The following CPAP variants were observed in gnomAD, a reference collection of about 807,000 sequenced individuals.
CPAP encodes centrosomal P4.1-associated protein.
chr13:24,931,405 C>T, the CPAP span, among the ~76,000 whole-genome samples: 1 of 148,610 alleles, frequency 6.7e-6, no homozygotes, highest in Non-Finnish European at 1.5e-5. Flanking sequence ...TCTCTCCTCC[C>T]CCAAAATCTC....
the CPAP span, chr13:24,909,829 T>C: frequency 1.2e-6 from 2 of 1,613,684 alleles, no homozygotes; most frequent in Non-Finnish European, 1.7e-6. Context: ...AAATTATTTT[T>C]TTCCACAGGT....
chr13:24,885,331 T>C, the CPAP span: 2 of 1,613,878 alleles, frequency 1.2e-6, no homozygotes, highest in Non-Finnish European at 1.7e-6. Flanking sequence ...CTCCTCCTCT[T>C]TATATTCAGG....
chr13:24,894,052 T>G, the CPAP span, among the ~76,000 whole-genome samples: 1 of 151,376 alleles, frequency 6.6e-6, no homozygotes, highest in African/African-American at 2.4e-5. Flanking sequence ...GCAGCGCGTG[T>G]GGGAAGCAAC....
At chr13:24,909,537 AC>A in the CPAP span, among the ~76,000 whole-genome samples, 774 of 151,088 alleles carry the variant, frequency 5.1e-3, 20 homozygotes, top group East Asian at 0.079. Flanking sequence ...AAAAAAAAAA[AC>A]ACGCCACAGG....
chr13:24,910,743 A>G, the CPAP span, among the ~76,000 whole-genome samples: 1 of 152,232 alleles, frequency 6.6e-6, no homozygotes, highest in Middle Eastern at 3.2e-3. Context: ...GTGCGGTTCT[A>G]CCTTTAAAAG....
the CPAP span, among the ~76,000 whole-genome samples, chr13:24,926,609 C>CA: frequency 6.6e-6 from 1 of 152,138 alleles, no homozygotes; most frequent in East Asian, 1.9e-4. Context: ...CCCTCAGCCC[C>CA]ACTGTTACTA....
the CPAP span, among the ~76,000 whole-genome samples, chr13:24,916,212 G>C: frequency 6.6e-6 from 1 of 152,190 alleles, no homozygotes; most frequent in Non-Finnish European, 1.5e-5. Flanking sequence ...CTACAGTCAT[G>C]TTCTTGAGGA....
the CPAP span, among the ~76,000 whole-genome samples, chr13:24,894,340 T>A: frequency 1.3e-5 from 2 of 152,190 alleles, no homozygotes; most frequent in African/African-American, 4.8e-5. Context: ...GTGGACTTTC[T>A]GTCAGAACAG....
chr13:24,915,350 T>C, the CPAP span, among the ~76,000 whole-genome samples: 1 of 152,116 alleles, frequency 6.6e-6, no homozygotes, highest in Non-Finnish European at 1.5e-5. Context: ...GCCTATGAAA[T>C]ATGCACATAG....
At chr13:24,912,897 C>T in the CPAP span, 4 of 1,614,210 alleles carry the variant, frequency 2.5e-6, no homozygotes, top group South Asian at 3.3e-5. Flanking sequence ...CTGCTCGCTT[C>T]TCTTTGTCTG....
the CPAP span, chr13:24,909,720 T>C: frequency 2.1e-5 from 30 of 1,398,682 alleles, no homozygotes; most frequent in East Asian, 4.7e-5. Context: ...AGAAAAAACA[T>C]GGAAAGGCTT....
the CPAP span, chr13:24,889,328 G>A: frequency 2.5e-6 from 4 of 1,608,754 alleles, no homozygotes; most frequent in African/African-American, 1.3e-5. Flanking sequence ...TGCATTGGAA[G>A]ATAATTTTTC....
the CPAP span, chr13:24,911,873 T>C: frequency 5.4e-3 from 8,515 of 1,572,158 alleles, 40 homozygotes; most frequent in Non-Finnish European, 5.6e-3. Context: ...ACAGGAACGA[T>C]AGAAATAACG....
chr13:24,883,406 A>AAAAT, the CPAP span: 3 of 1,451,714 alleles, frequency 2.1e-6, no homozygotes, highest in East Asian at 2.5e-5. Flanking sequence ...TCTTAAAAAA[A>AAAAT]AAATAATAGA....
chr13:24,906,080 A>G, the CPAP span: 1 of 1,613,242 alleles, frequency 6.2e-7, no homozygotes, highest in Admixed American at 1.7e-5. Flanking sequence ...TTTGGGTGCG[A>G]CTTCACACTC....
At chr13:24,886,910 A>ACCCC in the CPAP span, among the ~76,000 whole-genome samples, 1 of 152,132 alleles carries the variant, frequency 6.6e-6, no homozygotes, top group Admixed American at 6.5e-5. Flanking sequence ...ATTAACTTGA[A>ACCCC]CCCCCAAAGT....
chr13:24,901,878 G>A, the CPAP span, among the ~76,000 whole-genome samples: 6 of 152,114 alleles, frequency 3.9e-5, no homozygotes, highest in South Asian at 2.1e-4. Context: ...TGTAGTCCCC[G>A]CTACGCAGGA....
the CPAP span, chr13:24,885,768 TG>T: frequency 4.7e-6 from 4 of 853,502 alleles, no homozygotes; most frequent in Admixed American, 7.4e-5. Flanking sequence ...TGTGAACTGC[TG>T]TCCTTTATCC....
the CPAP span, among the ~76,000 whole-genome samples, chr13:24,921,406 C>G: frequency 1.2e-4 from 19 of 152,266 alleles, no homozygotes; most frequent in Middle Eastern, 6.8e-3. Context: ...CGCCTGGAAC[C>G]GCCATTCTTT....
Sources: allele counts gnomAD v4.1 joint callset (sites outside exome capture counted in the v4.1 genomes callset), GRCh38; gene constraint gnomAD v4.1.1; transcripts MANE v1.5; gene names NCBI Gene and HGNC (gene_info 2026-07-23, HGNC 2026-07-21).